FRMD4A: variants seen among roughly 807,000 people sequenced by gnomAD.
FRMD4A encodes the protein FERM domain-containing protein 4A.
A neutral mutation model predicts 129.1 loss-of-function variants in FRMD4A; 29 were observed. The observed-to-expected ratio is 0.22, with a 90% CI of 0.17 to 0.31. The LOEUF is 0.31. Ranked by LOEUF, FRMD4A falls within the 10% of genes least tolerant of loss-of-function variation. The pLI is 1.00. For synonymous variants in FRMD4A, 634 were observed against 571.6 expected (o/e 1.11, Z -1.56); for missense variants, 1,272 against 1,375.8 (o/e 0.92, Z 1.19).
chr10:13,741,159 T>C (rs1354416328), intron 9 of FRMD4A, among the ~76,000 whole-genome samples: 1 of 151,952 alleles, frequency 6.6e-6, no homozygotes, highest in Non-Finnish European at 1.5e-5. Context: ...AATATAAGAC[T>C]GGAGCCCAGG....
chr10:13,651,583 G>C (rs2081583570), intron 24 of FRMD4A: 1 of 270,652 alleles, frequency 3.7e-6, no homozygotes, highest in Non-Finnish European at 7.0e-6. Context: ...GGAGCCAGGA[G>C]AATCGCTTGA....
In FRMD4A at chr10:13,694,046, T is replaced by A. The variant is rs753333519; in HGVS notation, c.976-7A>T. On this transcript the variant is annotated splice_polypyrimidine_tract_variant and splice_region_variant and intron_variant, in intron 14 of 24. Transcript: ENST00000357447. The stretch of plus-strand genomic sequence containing the variant: ...GTGCTGCATGGATTTTGGACTGGAA[T>A]GGAAAGGGAAGCAGGTCAAAGAAGT... The A allele has an allele frequency of 6.6e-7, 1 of 1,504,432 alleles. No homozygotes were observed. The highest frequency in any genetic ancestry group is 1.4e-5 in the African/African-American group (1 of 71,072). The allele number at this position is 1,504,432 out of a possible 1,614,324, so 93.2% of individuals were successfully genotyped here.
At chr10:14,312,168 T>G (rs928947110) in intron 2 of FRMD4A, among the ~76,000 whole-genome samples, 1 of 152,194 alleles carries the variant, frequency 6.6e-6, no homozygotes, top group Non-Finnish European at 1.5e-5. Flanking sequence ...GTATGATTCT[T>G]GGGATACAAA....
chr10:14,077,935 C>T (rs570693692), intron 2 of FRMD4A, among the ~76,000 whole-genome samples: 4 of 152,150 alleles, frequency 2.6e-5, no homozygotes, highest in Non-Finnish European at 5.9e-5. Context: ...ACTCACCCAC[C>T]TGTGAGGATG....
chr10:14,146,050 C>T (rs904920969), intron 2 of FRMD4A, among the ~76,000 whole-genome samples: 3 of 152,324 alleles, frequency 2.0e-5, no homozygotes, highest in Non-Finnish European at 2.9e-5. Context: ...CTCTGCCCTT[C>T]GCTGGCTGTG....
intron 2 of FRMD4A, among the ~76,000 whole-genome samples, chr10:13,978,727 A>T (rs368738851): frequency 6.6e-6 from 1 of 152,182 alleles, no homozygotes; most frequent in African/African-American, 2.4e-5. Context: ...ACTCATTTAT[A>T]TAAATGCTAG....
chr10:14,175,835 T>A (rs1041525658), intron 2 of FRMD4A, among the ~76,000 whole-genome samples: 1 of 152,180 alleles, frequency 6.6e-6, no homozygotes, highest in Non-Finnish European at 1.5e-5. Context: ...CAATTTTCTA[T>A]TCTTAACTCT....
chr10:14,128,052 C>CT (rs1839010121), intron 2 of FRMD4A, among the ~76,000 whole-genome samples: 1 of 29,392 alleles, frequency 3.4e-5, no homozygotes, highest in South Asian at 2.1e-3. Flanking sequence ...TTCCCTCTTT[C>CT]TTTCTTTCTT....
chr10:13,650,958 C>CACTT (rs1462058060), intron 24 of FRMD4A: 2 of 152,174 alleles, frequency 1.3e-5, no homozygotes, highest in Non-Finnish European at 2.9e-5. Context: ...AGTCTTAGAG[C>CACTT]ACTTAATACA....
At chr10:13,922,549 T>A (rs1051030257) in intron 2 of FRMD4A, among the ~76,000 whole-genome samples, 2 of 152,232 alleles carry the variant, frequency 1.3e-5, no homozygotes, top group African/African-American at 4.8e-5. Context: ...GATTATTTTC[T>A]AGCTATGAGG....
chr10:14,032,058 T>C (rs1833272678), intron 2 of FRMD4A, among the ~76,000 whole-genome samples: 1 of 152,172 alleles, frequency 6.6e-6, no homozygotes, highest in African/African-American at 2.4e-5. Context: ...TCCTCAGGCC[T>C]CAGCCTCTTG....
intron 2 of FRMD4A, among the ~76,000 whole-genome samples, chr10:14,096,337 G>C (rs1028203855): frequency 6.6e-6 from 1 of 152,100 alleles, no homozygotes; most frequent in African/African-American, 2.4e-5. Flanking sequence ...AACTGTGAGC[G>C]ATCAATTTCT....
chr10:14,057,040 T>C (rs1412401505), intron 2 of FRMD4A, among the ~76,000 whole-genome samples: 1 of 152,186 alleles, frequency 6.6e-6, no homozygotes, highest in African/African-American at 2.4e-5. Flanking sequence ...TCTGTATCTC[T>C]TCTGGCTTGT....
At chr10:13,861,850 C>A (rs1052585328) in intron 2 of FRMD4A, among the ~76,000 whole-genome samples, 1 of 152,154 alleles carries the variant, frequency 6.6e-6, no homozygotes, top group Non-Finnish European at 1.5e-5. Context: ...AAAGCCATTA[C>A]AATTTTAAAT....
intron 2 of FRMD4A, among the ~76,000 whole-genome samples, chr10:14,054,017 T>G (rs2131691044): frequency 6.6e-6 from 1 of 151,974 alleles, no homozygotes; most frequent in South Asian, 2.1e-4. Context: ...TACAAAATTT[T>G]TTTTTAAAAA....
At chr10:14,151,747 A>G (rs922253827) in intron 2 of FRMD4A, among the ~76,000 whole-genome samples, 6 of 152,060 alleles carry the variant, frequency 3.9e-5, no homozygotes, top group African/African-American at 1.4e-4. Context: ...TCCCTTCCCC[A>G]GGGAACATTT....
At chr10:14,013,200 C>G (rs1420360884) in intron 2 of FRMD4A, among the ~76,000 whole-genome samples, 1 of 152,198 alleles carries the variant, frequency 6.6e-6, no homozygotes, top group Non-Finnish European at 1.5e-5. Context: ...CAATCCAAGG[C>G]TGACATTGTA....
chr10:13,828,116 T>C (rs556927673), intron 3 of FRMD4A, among the ~76,000 whole-genome samples: 1 of 152,354 alleles, frequency 6.6e-6, no homozygotes, highest in African/African-American at 2.4e-5. Flanking sequence ...TCCATGCCTT[T>C]TCAAGGATGG....
chr10:14,113,502 T>A (rs946847844), intron 2 of FRMD4A, among the ~76,000 whole-genome samples: 11 of 152,210 alleles, frequency 7.2e-5, no homozygotes, highest in African/African-American at 2.7e-4. Context: ...TGGCTGTATG[T>A]GTTATTGATA....
Sources: allele counts gnomAD v4.1 joint callset (sites outside exome capture counted in the v4.1 genomes callset), GRCh38; gene constraint gnomAD v4.1.1; transcripts MANE v1.5; gene names NCBI Gene and HGNC (gene_info 2026-07-23, HGNC 2026-07-21).